CISH: variants seen among roughly 807,000 people sequenced by gnomAD.
The protein encoded by CISH is cytokine-inducible SH2-containing protein.
A neutral mutation model predicts 21.3 loss-of-function variants in CISH; 11 were observed. The ratio of observed to expected loss-of-function variants is 0.52; its 90% CI spans 0.32 to 0.85. The LOEUF is 0.85. CISH is among the 40% of genes least tolerant of loss of function. CISH has a pLI of 0.03. For missense variants in CISH, 280 were observed against 351.7 expected, an observed-to-expected ratio of 0.80 and a Z score of 1.63; for synonymous variants, 118 against 142.3, an observed-to-expected ratio of 0.83 and a Z score of 1.22.
chr3:50,611,632 C>A lies in CISH; in HGVS notation c.19G>T (p.Gly7Ter). ...AAGGGGGCAGAGAGCCGCGCTTACC[C>A]CTGAACGCAGAGGACCATGTCCCCG... MVLCVQGPRPLLAVERT... is the reference protein window; with the variant it reads MVLCVQ The change falls in exon 1 of 3, where the codon GGA (glycine) becomes TGA (stop). Residue 7 changes from glycine to a stop codon, truncating the protein, a stop_gained and splice_region_variant. Coordinates refer to ENST00000348721, the MANE Select transcript of CISH (RefSeq NM_145071.4). LOFTEE classifies it high-confidence loss of function. 1 of 1,514,356 alleles carries A rather than the reference C, an allele frequency of 6.6e-7. No individual in the cohort carries two copies. The highest frequency in any genetic ancestry group is 1.4e-5 in the African/African-American group (1 of 69,404). 93.8% of individuals were successfully genotyped at this position (1,514,356 alleles called of 1,614,324 possible).
intron 1 of CISH, chr3:50,611,363 G>A: frequency 6.7e-6 from 9 of 1,349,308 alleles, no homozygotes; most frequent in Admixed American, 4.1e-5. Flanking sequence ...CTGCTCCAAT[G>A]AGAACCCAGG....
chr3:50,607,840 G>A lies in CISH; in HGVS notation c.544C>T (p.Pro182Ser). ...RSDSPDPAPT[P>S]ALPMPKEDAP... The stretch of plus-strand genomic sequence containing the variant: ...TCCTCCTTAGGCATAGGCAGGGCCG[G>A]GGTGGGAGCAGGATCGGGGCTGTCG... Residue 182 changes from proline to serine, a missense_variant, in exon 3 of 3, where the codon CCG becomes TCG. Coordinates refer to ENST00000348721, the MANE Select transcript of CISH (RefSeq NM_145071.4). The A allele has an allele frequency of 1.2e-6, 2 of 1,613,884 alleles. No individual in the cohort carries two copies. Among genetic ancestry groups the A allele is most frequent in the Non-Finnish European group, 1.7e-6 (2 of 1,179,996 alleles).
Position 50,607,775 on chromosome 3 carries a change from G to A in CISH, c.609C>T (p.Ala203=), listed in dbSNP as rs747816340. The A allele has an allele frequency of 3.0e-5, 49 of 1,613,800 alleles. No homozygotes were observed. Among genetic ancestry groups the A allele is most frequent in the Non-Finnish European group, 3.7e-5 (44 of 1,179,906 alleles). The change falls in exon 3 of 3, where the codon GCC becomes GCT. Residue 203 remains alanine, a synonymous_variant. Transcript: ENST00000348721. ...GCACCAGTTTTAGGTGTACAGCAGT[G>A]GCTGGTGGAGGAGCAGGCAGTGCTG... is the stretch of plus-strand genomic sequence containing the variant. The part of the protein sequence containing the change: ...SDPALPAPPP[A]TAVHLKLVQP...
intron 1 of CISH, chr3:50,610,306 G>A: frequency 1.3e-6 from 2 of 1,525,692 alleles, no homozygotes; most frequent in South Asian, 1.2e-5. Flanking sequence ...GCACCTTTGG[G>A]GCTGATGTGG....
rs1559477472 is a variant in CISH at position 50,607,557 on chromosome 3, G to A, written c.*50C>T. 2 of 1,549,368 alleles carry A rather than the reference G, an allele frequency of 1.3e-6. No individual in the cohort carries two copies. The highest frequency in any genetic ancestry group is 1.8e-6 in the Non-Finnish European group (2 of 1,140,950). On this transcript the variant is annotated 3_prime_UTR_variant, in exon 3 of 3. Transcript: ENST00000348721. ...GGGCCCAAGTCCAGCTGGGGCTGAT[G>A]TCCCCTCCAGGGTGCGACTGGGTGA...
rs201634298 is a variant in CISH, at chr3:50,607,675, C to T, written c.709G>A (p.Asp237Asn). The change falls in exon 3 of 3, where the codon GAC becomes AAC. Residue 237 changes from aspartate to asparagine, a missense_variant. By Grantham distance (23) the Asp-to-Asn change is conservative. Transcript: ENST00000348721. ...CGGGGCAGTGGCAGGCAGTCCACGT[C>T]GGCCACCAGACGGTTGATGACAAGG... Reference protein sequence around the residue: ...CRLVINRLVADVDCLPLPRRM... With the variant: ...CRLVINRLVANVDCLPLPRRM... The T allele has an allele frequency of 8.1e-5, 131 of 1,613,502 alleles. No individual in the cohort carries two copies. The highest frequency in any genetic ancestry group is 1.0e-4 in the Non-Finnish European group (118 of 1,179,962).
chr3:50,611,514 G>T, intron 1 of CISH, 117 bp downstream of exon 1: 1 of 1,499,760 alleles, frequency 6.7e-7, no homozygotes. Context: ...AGGTCCGTCT[G>T]CGCTCAGTCA....
At position 50,606,860 on chromosome 3, in the gene CISH, C is replaced by T. The variant is rs557855323; in HGVS notation, c.*747G>A. On this transcript the variant is annotated 3_prime_UTR_variant, in exon 3 of 3. Coordinates refer to ENST00000348721, the MANE Select transcript of CISH (RefSeq NM_145071.4). The stretch of plus-strand genomic sequence containing the variant: ...CTGAGGCTCCGGCTGCATTTTCTTA[C>T]CTATTGTAGTTGTCCATCCTCCCCA... 6.6e-6 allele frequency: 1 copy of T among 152,648 alleles called. No homozygotes were observed. Among genetic ancestry groups the T allele is most frequent in the East Asian group, 1.9e-4 (1 of 5,198 alleles). The allele number at this position is 152,648 out of a possible 1,614,324, so 9.5% of individuals were successfully genotyped here.
rs148162012 is a variant in CISH at position 50,608,381 on chromosome 3, C to A, written c.233G>T (p.Arg78Leu). The change falls in exon 2 of 3, where the codon CGG (arginine) becomes CTG (leucine). Residue 78 changes from arginine to leucine, a missense_variant. Arg to Leu is a moderately radical substitution (Grantham distance 102). Transcript: ENST00000348721. ...LCIAKTFSYL[R>L]ESGWYWGSIT... ...TCCCCCCTCAGACTCACCAGATTCCCGAAGGTAGGAGAAGGTCTTGGCTAT... is the reference window on the plus strand; with the variant it reads ...TCCCCCCTCAGACTCACCAGATTCCAGAAGGTAGGAGAAGGTCTTGGCTAT... 1 of 1,600,450 alleles carries A rather than the reference C, an allele frequency of 6.2e-7. No homozygotes were observed. The highest frequency in any genetic ancestry group is 1.7e-5 in the Admixed American group (1 of 57,376).
At chr3:50,611,551 G>A (rs1412151939) in intron 1 of CISH, 80 bp downstream of exon 1, 32 of 1,521,514 alleles carry the variant, frequency 2.1e-5, no homozygotes, top group South Asian at 6.1e-5. Context: ...CCCTCCCAAT[G>A]CCCGGCAGCT....
At chr3:50,610,100 T>C in intron 1 of CISH, 1 of 497,160 alleles carries the variant, frequency 2.0e-6, no homozygotes, top group Non-Finnish European at 3.7e-6. Context: ...TTTCCACACC[T>C]ACCCTGGCTG....
At chr3:50,611,327 G>C (rs1005268032) in intron 1 of CISH, 70 of 1,322,104 alleles carry the variant, frequency 5.3e-5, no homozygotes, top group Non-Finnish European at 6.3e-5. Context: ...CCACATCTTG[G>C]GGGACGCCGT....
In CISH at chr3:50,607,447, C is replaced by T. The variant is rs1575983162; in HGVS notation, c.*160G>A. 2 of 717,696 alleles carry T rather than the reference C, an allele frequency of 2.8e-6. No homozygotes were observed. Among genetic ancestry groups the T allele is most frequent in the East Asian group, 2.7e-5 (1 of 36,746 alleles). 44.5% of individuals were successfully genotyped at this position (717,696 alleles called of 1,614,324 possible). Reference sequence around the variant, plus strand: ...CTCCAAGTTGTGTGACACCTCCCCTCTCCCATGCCTTGCTCTTGCTGGCTC... The same window carrying T: ...CTCCAAGTTGTGTGACACCTCCCCTTTCCCATGCCTTGCTCTTGCTGGCTC... On this transcript the variant is annotated 3_prime_UTR_variant, in exon 3 of 3. Transcript: ENST00000348721.
chr3:50,611,277 T>C (rs2032317059), intron 1 of CISH: 1 of 1,206,346 alleles, frequency 8.3e-7, no homozygotes, highest in Non-Finnish European at 1.0e-6. Flanking sequence ...CAGGCTAGCG[T>C]AGAGTGCTCT....
chr3:50,608,668 A>G (rs1237733461), intron 1 of CISH, 75 bp from the exon 2 acceptor site: 1 of 1,131,250 alleles, frequency 8.8e-7, no homozygotes, highest in East Asian at 2.9e-5. Context: ...TATGCCCCAG[A>G]CTAGTTTCAT....
At chr3:50,608,786 T>C (rs2032240291) in intron 1 of CISH, 193 bp from the exon 2 acceptor site, 2 of 434,602 alleles carry the variant, frequency 4.6e-6, no homozygotes, top group Non-Finnish European at 4.0e-6. Flanking sequence ...AAAAGCCACC[T>C]TGATTGTTTC....
rs1328642301 is a variant in CISH at position 50,611,673 on chromosome 3, C to G, written c.-23G>C. On this transcript the variant is annotated 5_prime_UTR_variant, in exon 1 of 3. Transcript: ENST00000348721. ...CATGTCCCCGCGGCAGCGGCGACTC[C>G]GGAGTGGGGACTCGGCTGGACGGCG... 2.7e-6 allele frequency: 4 copies of G among 1,481,488 alleles called. No homozygotes were observed. The Admixed American group carries it at 7.7e-5, about 29-fold the overall frequency. 91.8% of individuals were successfully genotyped at this position (1,481,488 alleles called of 1,614,324 possible). A position where few individuals can be genotyped will look rare whatever the true frequency, so the allele number is the denominator to read the frequency against.
In CISH at chr3:50,611,686, C is replaced by T. The variant is rs781167277; in HGVS notation, c.-36G>A. 1 of 1,462,916 alleles carries T rather than the reference C, an allele frequency of 6.8e-7. No homozygotes were observed. Among genetic ancestry groups the T allele is most frequent in the Non-Finnish European group, 9.0e-7 (1 of 1,108,228 alleles). 90.6% of individuals were successfully genotyped at this position (1,462,916 alleles called of 1,614,324 possible). A position where few individuals can be genotyped will look rare whatever the true frequency, so the allele number is the denominator to read the frequency against. On this transcript the variant is annotated 5_prime_UTR_variant, in exon 1 of 3. Coordinates refer to ENST00000348721, the MANE Select transcript of CISH (RefSeq NM_145071.4). The stretch of plus-strand genomic sequence containing the variant: ...CAGCGGCGACTCCGGAGTGGGGACT[C>T]GGCTGGACGGCGGCGGCTGGAGGGA...
In CISH at chr3:50,607,767, A is replaced by G. The variant is rs966907414; in HGVS notation, c.617T>C (p.Val206Ala). 6.2e-7 allele frequency: 1 copy of G among 1,613,872 alleles called. No individual in the cohort carries two copies. ...AAAGGGCTGCACCAGTTTTAGGTGT[A>G]CAGCAGTGGCTGGTGGAGGAGCAGG... ...ALPAPPPATA[V>A]HLKLVQPFVR... Residue 206 changes from valine to alanine, a missense_variant, in exon 3 of 3, where the codon GTA (valine) becomes GCA (alanine). Coordinates refer to ENST00000348721, the MANE Select transcript of CISH (RefSeq NM_145071.4).
Sources: gnomAD v4.1 joint callset for allele counts on GRCh38, gnomAD v4.1.1 for gene constraint, MANE v1.5 for transcripts, NCBI Gene and HGNC (gene_info 2026-07-23, HGNC 2026-07-21) for gene names.